The following HIP1 variants were observed in gnomAD, a reference collection of about 807,000 sequenced individuals.
HIP1 encodes the protein huntingtin interacting protein 1, also known as huntingtin-interacting protein 1.
A neutral mutation model predicts 147.6 loss-of-function variants in HIP1; 65 were observed. The observed-to-expected ratio is 0.44, with a 90% CI of 0.36 to 0.54. The LOEUF is 0.54. Ranked by LOEUF, HIP1 falls within the 20% of genes least tolerant of loss-of-function variation. The pLI, the probability that HIP1 is intolerant of heterozygous loss-of-function variation, is 0.00. For synonymous variants in HIP1, 479 were observed against 504.0 expected, an observed-to-expected ratio of 0.95 and a Z score of 0.67; for missense variants, 1,061 against 1,299.6, an observed-to-expected ratio of 0.82 and a Z score of 2.82.
intron 2 of HIP1, 120 bp from the exon 3 acceptor site, chr7:75,592,634 T>C: frequency 9.7e-7 from 1 of 1,032,134 alleles, no homozygotes; most frequent in Non-Finnish European, 1.4e-6. Flanking sequence ...GGATAGAGGC[T>C]GCACCCAGCC....
intron 1 of HIP1, among the ~76,000 whole-genome samples, chr7:75,616,955 G>T (rs1354677794): frequency 6.6e-6 from 1 of 151,978 alleles, no homozygotes; most frequent in Non-Finnish European, 1.5e-5. Context: ...GCCCAGGTTG[G>T]AGTGCAGTGG....
At chr7:75,592,251 G>T in intron 3 of HIP1, 121 bp downstream of exon 3, 1 of 1,420,548 alleles carries the variant, frequency 7.0e-7, no homozygotes, top group Non-Finnish European at 9.8e-7. Flanking sequence ...CTCTAATGGG[G>T]AACCCAAAGG....
Position 75,544,687 on chromosome 7 carries a change from G to C in HIP1, c.2766+8C>G. On this transcript the variant is annotated splice_region_variant and intron_variant, in intron 27 of 30. Transcript: ENST00000336926. The stretch of plus-strand genomic sequence containing the variant: ...TCCAGCGTCCTAGGAGGTCCAGCCA[G>C]GTCCTACCTTGGATGCAGCCACAAG... 1 of 1,571,220 alleles carries C rather than the reference G, an allele frequency of 6.4e-7. No individual in the cohort carries two copies. The highest frequency in any genetic ancestry group is 8.8e-7 in the Non-Finnish European group (1 of 1,140,912).
At chr7:75,592,548 T>C in intron 2 of HIP1, 34 bp from the exon 3 acceptor site, 1 of 1,602,338 alleles carries the variant, frequency 6.2e-7, no homozygotes, top group Non-Finnish European at 8.5e-7. Flanking sequence ...ACGGATGGGC[T>C]CTGCCAGTCA....
chr7:75,613,862 C>T (rs781788591), intron 1 of HIP1, among the ~76,000 whole-genome samples: 37 of 151,988 alleles, frequency 2.4e-4, no homozygotes, highest in Admixed American at 1.2e-3. Context: ...GCAGCTGAGA[C>T]GACAGGTGCA....
chr7:75,621,325 AG>A (rs1369008298), intron 1 of HIP1, among the ~76,000 whole-genome samples: 2 of 152,184 alleles, frequency 1.3e-5, no homozygotes, highest in Non-Finnish European at 2.9e-5. Context: ...GCCGGAAGTC[AG>A]GGGCAGGAGG....
intron 1 of HIP1, among the ~76,000 whole-genome samples, chr7:75,677,455 A>G (rs1799930863): frequency 6.7e-6 from 1 of 149,952 alleles, no homozygotes; most frequent in South Asian, 2.1e-4. Flanking sequence ...AAAATACAAA[A>G]ATTAGCTGGG....
At chr7:75,551,921 C>T (rs1554492226) in intron 22 of HIP1, among the ~76,000 whole-genome samples, 1 of 152,062 alleles carries the variant, frequency 6.6e-6, no homozygotes, top group African/African-American at 2.4e-5. Context: ...TGGAGTTTCG[C>T]TCCTGTTGCC....
At chr7:75,738,158 C>T (rs1250917574) in intron 1 of HIP1, among the ~76,000 whole-genome samples, 1 of 152,186 alleles carries the variant, frequency 6.6e-6, no homozygotes, top group Non-Finnish European at 1.5e-5. Flanking sequence ...CCATGGTCTC[C>T]ACTTTAGCCC....
intron 1 of HIP1, among the ~76,000 whole-genome samples, chr7:75,659,424 C>T (rs1799237121): frequency 1.3e-5 from 2 of 152,084 alleles, no homozygotes; most frequent in African/African-American, 4.8e-5. Context: ...TTCGGGAGGC[C>T]AAGGTGTGTA....
intron 7 of HIP1, among the ~76,000 whole-genome samples, chr7:75,575,157 CATAA>C (rs1478423267): frequency 6.6e-6 from 1 of 151,250 alleles, no homozygotes; most frequent in East Asian, 1.9e-4. Flanking sequence ...GACTCTGTTT[CATAA>C]ATAAATAAAA....
chr7:75,709,710 G>A (rs1161340180), intron 1 of HIP1, among the ~76,000 whole-genome samples: 1 of 152,062 alleles, frequency 6.6e-6, no homozygotes, highest in Non-Finnish European at 1.5e-5. Context: ...AGGACTTCCA[G>A]TACTATGTTG....
intron 1 of HIP1, among the ~76,000 whole-genome samples, chr7:75,652,397 G>T (rs1255761708): frequency 2.6e-5 from 4 of 151,860 alleles, no homozygotes; most frequent in Non-Finnish European, 4.4e-5. Flanking sequence ...GAGATGGGGT[G>T]TTGCTCTGTC....
chr7:75,722,551 GGGA>G, intron 1 of HIP1, among the ~76,000 whole-genome samples: 1 of 152,202 alleles, frequency 6.6e-6, no homozygotes, highest in African/African-American at 2.4e-5. Flanking sequence ...CCAGAATGCT[GGGA>G]CATTCCAGAC....
At chr7:75,732,303 G>T (rs1156477650) in intron 1 of HIP1, among the ~76,000 whole-genome samples, 1 of 152,080 alleles carries the variant, frequency 6.6e-6, no homozygotes, top group Non-Finnish European at 1.5e-5. Flanking sequence ...CTCAACGCAG[G>T]ATGCATTAAG....
chr7:75,617,980 G>A (rs1797724449), intron 1 of HIP1, among the ~76,000 whole-genome samples: 1 of 152,234 alleles, frequency 6.6e-6, no homozygotes, highest in South Asian at 2.1e-4. Context: ...CCAGACTGGA[G>A]TGGCCTTTCG....
In HIP1 at chr7:75,580,238, T is replaced by C. The variant is rs113278703; in HGVS notation, c.604+999A>G. ...ACAGACATGAGCCCTTCCTCCTCAG[T>C]AGAAATCGTGCCCATGAGCCAGCCC... On this transcript the variant is annotated intron_variant, in intron 7 of 30. Coordinates refer to ENST00000336926, the MANE Select transcript of HIP1 (RefSeq NM_005338.7). Among the ~76,000 whole-genome samples, 126 of 152,220 alleles carry C rather than the reference T, an allele frequency of 8.3e-4. 1 individual carries two copies. The highest frequency in any genetic ancestry group is 2.8e-3 in the African/African-American group (115 of 41,540).
chr7:75,601,908 A>G (rs1796993574), intron 1 of HIP1, among the ~76,000 whole-genome samples: 1 of 151,288 alleles, frequency 6.6e-6, no homozygotes, highest in South Asian at 2.1e-4. Flanking sequence ...ATATTTGTAT[A>G]CGTTTGAACT....
intron 5 of HIP1, among the ~76,000 whole-genome samples, chr7:75,586,052 G>A (rs760498123): frequency 3.4e-4 from 52 of 151,870 alleles, no homozygotes; most frequent in Non-Finnish European, 5.9e-4. Context: ...GGTCTTAAGC[G>A]ATCCTCCAGC....
Sources: allele counts gnomAD v4.1 joint callset (sites outside exome capture counted in the v4.1 genomes callset), GRCh38; gene constraint gnomAD v4.1.1; transcripts MANE v1.5; gene names NCBI Gene and HGNC (gene_info 2026-07-23, HGNC 2026-07-21).